HPSE: variants seen among roughly 807,000 people sequenced by gnomAD.
HPSE encodes the protein heparanase.
In HPSE, 48 loss-of-function variants were observed where a neutral mutation model predicts 65.1. The observed-to-expected ratio is 0.74, with a 90% confidence interval of 0.58 to 0.94. HPSE has a LOEUF of 0.94. Ranked by LOEUF, HPSE falls within the 40% of genes least tolerant of loss-of-function variation. HPSE has a pLI of 0.00. For missense variants in HPSE, 644 were observed against 637.5 expected (o/e 1.01, Z -0.11); for synonymous variants, 243 against 260.0 (o/e 0.93, Z 0.63).
chr4:83,311,955 T>A (rs1315913446), intron 4 of HPSE, among the ~76,000 whole-genome samples: 1 of 152,144 alleles, frequency 6.6e-6, no homozygotes, highest in Non-Finnish European at 1.5e-5. Flanking sequence ...ATTTACAAGT[T>A]CTTTGCAAAA....
At chr4:83,307,392 T>A (rs1237092170) in intron 8 of HPSE, among the ~76,000 whole-genome samples, 4 of 151,246 alleles carry the variant, frequency 2.6e-5, no homozygotes, top group Admixed American at 2.6e-4. Flanking sequence ...GTCATTTAAA[T>A]GAAATGGCAA....
At chr4:83,315,117 C>CACTG (rs1332551105) in intron 3 of HPSE, among the ~76,000 whole-genome samples, 3 of 149,162 alleles carry the variant, frequency 2.0e-5, no homozygotes, top group Non-Finnish European at 4.4e-5. Context: ...TGTGCCACTG[C>CACTG]ACTGCAGCCT....
intron 2 of HPSE, among the ~76,000 whole-genome samples, chr4:83,319,974 C>T (rs1243358701): frequency 6.9e-6 from 1 of 144,922 alleles, no homozygotes; most frequent in East Asian, 2.0e-4. Context: ...GAGCCGAGAT[C>T]ACGTCACTGC....
intron 11 of HPSE, among the ~76,000 whole-genome samples, chr4:83,299,363 C>CAAAAAAAAA (rs757562812): frequency 2.2e-5 from 2 of 90,996 alleles, no homozygotes; most frequent in African/African-American, 8.6e-5. Flanking sequence ...GACTCTGTCT[C>CAAAAAAAAA]AAAAAAAAAA....
rs1197534236 is a variant in HPSE at position 83,334,834 on chromosome 4, G to A, written c.-52C>T. 3.4e-6 allele frequency: 5 copies of A among 1,467,854 alleles called. No individual in the cohort carries two copies. In the East Asian group the frequency reaches 7.5e-5, roughly 22 times the overall value. The allele number at this position is 1,467,854 out of a possible 1,614,324, so 90.9% of individuals were successfully genotyped here. A position where few individuals can be genotyped will look rare whatever the true frequency, so the allele number is the denominator to read the frequency against. ...GCCAGCTGCCGCGCAGCGGAGAGTCGAGAGCTCTAGCACTTCCTCCCGCCG... is the reference window on the plus strand; with the variant it reads ...GCCAGCTGCCGCGCAGCGGAGAGTCAAGAGCTCTAGCACTTCCTCCCGCCG... On this transcript the variant is annotated 5_prime_UTR_variant, in exon 1 of 12. Transcript: ENST00000311412.
rs1255606512 is a variant in HPSE at position 83,310,818 on chromosome 4, A to T, written c.746T>A (p.Leu249Ter). The T allele has an allele frequency of 1.9e-6, 3 of 1,613,864 alleles. No individual in the cohort carries two copies. Among genetic ancestry groups the T allele is most frequent in the Non-Finnish European group, 1.7e-6 (2 of 1,179,824 alleles). ...GGTGGACTTTCTTAGAAGTTTATGCAATTGAATAAAATCTTCTCCTAACTG... is the reference window on the plus strand; with the variant it reads ...GGTGGACTTTCTTAGAAGTTTATGCTATTGAATAAAATCTTCTCCTAACTG... ...GSQLGEDFIQ[L>*]HKLLRKSTFK... is the part of the protein sequence containing the mutation. The change falls in exon 5 of 12, where the codon TTG becomes TAG. Residue 249 changes from leucine to a stop codon, truncating the protein, a stop_gained. Coordinates refer to ENST00000311412, the MANE Select transcript of HPSE (RefSeq NM_001098540.3). LOFTEE classifies it high-confidence loss of function.
At chr4:83,328,843 C>A (rs1017747764) in intron 1 of HPSE, among the ~76,000 whole-genome samples, 1 of 151,746 alleles carries the variant, frequency 6.6e-6, no homozygotes, top group Non-Finnish European at 1.5e-5. Flanking sequence ...ACTGATAGAG[C>A]GAAGTCCTTG....
intron 11 of HPSE, among the ~76,000 whole-genome samples, chr4:83,299,689 G>A (rs866319570): frequency 3.4e-4 from 52 of 151,852 alleles, no homozygotes; most frequent in African/African-American, 1.2e-3. Context: ...TGAGAATTTT[G>A]TAAACTCTTA....
chr4:83,311,034 C>T (rs183056686), intron 4 of HPSE, 144 bp from the exon 5 acceptor site: 5 of 671,998 alleles, frequency 7.4e-6, no homozygotes, highest in Admixed American at 5.9e-5. Flanking sequence ...CCAGGTCTGG[C>T]GCTATGGCTC....
chr4:83,322,272 T>C lies in HPSE; in HGVS notation c.320A>G (p.Lys107Arg), dbSNP rs1736932487. 1.9e-6 allele frequency: 3 copies of C among 1,614,022 alleles called. No homozygotes were observed. Among genetic ancestry groups the C allele is most frequent in the Non-Finnish European group, 1.7e-6 (2 of 1,179,888 alleles). The stretch of plus-strand genomic sequence containing the variant: ...TCTCTCTTCAAAGGTTGATTCCTTC[T>C]TGGGATCGAAAATTAGGAAGTCTGT... Reference protein sequence around the residue: ...TKTDFLIFDPKKESTFEERSY... With the variant: ...TKTDFLIFDPRKESTFEERSY... The change falls in exon 2 of 12, where the codon AAG becomes AGG. Residue 107 changes from lysine (K) to arginine (R), a missense_variant. Lys to Arg is a conservative substitution (Grantham distance 26, BLOSUM62 2). Transcript: ENST00000311412.
intron 8 of HPSE, 54 bp from the exon 9 acceptor site, chr4:83,306,371 T>C: frequency 1.2e-6 from 1 of 836,010 alleles, no homozygotes; most frequent in Non-Finnish European, 2.0e-6. Flanking sequence ...AATCGCTCAA[T>C]TCTAATTGCA....
chr4:83,312,519 T>TGCAAAAAAAAA (rs1736428390), intron 4 of HPSE, among the ~76,000 whole-genome samples: 1 of 145,452 alleles, frequency 6.9e-6, no homozygotes, highest in Admixed American at 7.0e-5. Context: ...CTACTAAAAA[T>TGCAAAAAAAAA]ACAAAAAAAT....
At chr4:83,327,344 C>G (rs995075458) in intron 1 of HPSE, among the ~76,000 whole-genome samples, 1 of 152,196 alleles carries the variant, frequency 6.6e-6, no homozygotes, top group Non-Finnish European at 1.5e-5. Flanking sequence ...GTATTAAGGA[C>G]CTTTTTGTTT....
rs1450704144 is a variant in HPSE, at chr4:83,316,340, AAAAAAAAAAC to A, written c.499+2994_499+3003del. 1.4e-3 allele frequency among the ~76,000 whole-genome samples: 105 copies of A among 76,932 alleles called. 2 individuals carry two copies. The East Asian group carries it at 0.045, about 33-fold the overall frequency. 50.5% of individuals were successfully genotyped at this position (76,932 alleles called of 152,430 possible). Reference sequence around the variant, plus strand: ...CCACGTCTGGCCACATCTACTTTAAAAAAAAAAAACAAAAAAAACAGAAGGACCACCTAGC... The same window carrying A: ...CCACGTCTGGCCACATCTACTTTAAAAAAAAAAACAGAAGGACCACCTAGC... On this transcript the variant is annotated intron_variant, in intron 3 of 11. Transcript: ENST00000311412.
rs887888442 is a variant in HPSE at position 83,304,597 on chromosome 4, G to A, written c.1206+1606C>T. Among the ~76,000 whole-genome samples, 5 of 152,160 alleles carry A rather than the reference G, an allele frequency of 3.3e-5. No homozygotes were observed. In the East Asian group the frequency reaches 9.6e-4, roughly 29 times the overall value. The stretch of plus-strand genomic sequence containing the variant: ...AATCCCAACACTGGGAGGCTGAGGT[G>A]GGATGATCACTTGAGCCCAGGAGTT... On this transcript the variant is annotated intron_variant, in intron 9 of 11. Coordinates refer to ENST00000311412, the MANE Select transcript of HPSE (RefSeq NM_001098540.3).
upstream of HPSE, chr4:83,334,854 C>G: frequency 1.4e-6 from 2 of 1,437,978 alleles, no homozygotes; most frequent in Non-Finnish European, 1.8e-6. Flanking sequence ...GCACTTCCTC[C>G]CGCCGAGCCC....
At chr4:83,314,082 A>G (rs1409156097) in intron 3 of HPSE, among the ~76,000 whole-genome samples, 1 of 151,892 alleles carries the variant, frequency 6.6e-6, no homozygotes, top group Non-Finnish European at 1.5e-5. Context: ...GCAAAACCAC[A>G]TCTCTACAAA....
At chr4:83,319,259 A>C in intron 3 of HPSE, 85 bp downstream of exon 3, 1 of 1,337,818 alleles carries the variant, frequency 7.5e-7, no homozygotes, top group Non-Finnish European at 1.1e-6. Context: ...CAACTTCCGT[A>C]GGACTTGCTA....
At position 83,295,297 on chromosome 4, in the gene HPSE, C is replaced by T. The variant is rs1194627965; in HGVS notation, c.*47G>A. On this transcript the variant is annotated 3_prime_UTR_variant, in exon 12 of 12. Transcript: ENST00000311412. ...TTCCTATAACTTGAGTTGCTTTACT[C>T]TTAGTATACTTGAAAAATTCAGTGT... 2 of 1,523,572 alleles carry T rather than the reference C, an allele frequency of 1.3e-6. No individual in the cohort carries two copies. Among genetic ancestry groups the T allele is most frequent in the East Asian group, 2.3e-5 (1 of 43,926 alleles). The allele number at this position is 1,523,572 out of a possible 1,614,324, so 94.4% of individuals were successfully genotyped here.
Sources: allele counts gnomAD v4.1 joint callset (sites outside exome capture counted in the v4.1 genomes callset), GRCh38; gene constraint gnomAD v4.1.1; transcripts MANE v1.5; gene names NCBI Gene and HGNC (gene_info 2026-07-23, HGNC 2026-07-21).